NCALD: variants seen among roughly 807,000 people sequenced by gnomAD.
NCALD encodes the protein neurocalcin-delta.
Under a neutral mutation model 18.6 loss-of-function variants are expected in NCALD, and 10 were observed. That is an observed-to-expected ratio of 0.54 (90% CI 0.33 to 0.91). The LOEUF is 0.91. Among genes scored for constraint, NCALD ranks in the 40% least tolerant of loss-of-function variants. The pLI, the probability that NCALD is intolerant of heterozygous loss-of-function variation, is 0.03. For synonymous variants in NCALD, 88 were observed against 87.4 expected (o/e 1.01, Z -0.04); for missense variants, 184 against 247.6 (o/e 0.74, Z 1.72).
chr8:102,045,615 C>T (rs943367988), intron 1 of NCALD, among the ~76,000 whole-genome samples: 2 of 152,122 alleles, frequency 1.3e-5, no homozygotes, highest in Admixed American at 1.3e-4. Context: ...CTTGAATTTC[C>T]TCTACATCAG....
rs890948261 is a variant in NCALD, at chr8:101,879,399, T to C, written c.-20+7742A>G. On this transcript the variant is annotated intron_variant, in intron 4 of 6. Transcript: ENST00000311028. ...GTATTACAGCTCTTAAGGCCGCCAG[T>C]CTGGAGTCGTTCATTTCTCCCAGTG... Among the ~76,000 whole-genome samples the C allele has an allele frequency of 1.5e-4, 23 of 152,230 alleles. No homozygotes were observed. The South Asian group carries it at 4.8e-3, about 32-fold the overall frequency.
intron 1 of NCALD, among the ~76,000 whole-genome samples, chr8:102,037,776 C>A (rs1253712159): frequency 6.6e-6 from 1 of 152,118 alleles, no homozygotes; most frequent in Non-Finnish European, 1.5e-5. Flanking sequence ...TCTTAGCATG[C>A]CCATCTAGGA....
chr8:101,858,264 G>C (rs997252370), intron 4 of NCALD, among the ~76,000 whole-genome samples: 4 of 152,146 alleles, frequency 2.6e-5, no homozygotes, highest in African/African-American at 9.7e-5. Flanking sequence ...TGGATCTATA[G>C]AGTGGAGCAA....
intron 3 of NCALD, among the ~76,000 whole-genome samples, chr8:101,903,592 G>A (rs547426120): frequency 6.6e-6 from 1 of 152,238 alleles, no homozygotes; most frequent in African/African-American, 2.4e-5. Flanking sequence ...GTTCTCTGGA[G>A]GTGGAGCCAC....
intron 4 of NCALD, among the ~76,000 whole-genome samples, chr8:101,846,378 T>C (rs1238177366): frequency 6.6e-6 from 1 of 152,218 alleles, no homozygotes; most frequent in African/African-American, 2.4e-5. Context: ...TACTTTTTGT[T>C]TGGCAACTAA....
At chr8:101,723,349 A>G (rs1002466804) in intron 1 of NCALD, among the ~76,000 whole-genome samples, 8 of 152,148 alleles carry the variant, frequency 5.3e-5, no homozygotes, top group African/African-American at 1.9e-4. Flanking sequence ...TTAAGTAGCA[A>G]ATTACCTAAA....
At chr8:102,056,388 A>G (rs1366835526) in intron 1 of NCALD, among the ~76,000 whole-genome samples, 1 of 152,232 alleles carries the variant, frequency 6.6e-6, no homozygotes, top group African/African-American at 2.4e-5. Flanking sequence ...CAGCTTTGGG[A>G]TCTGCAAAAT....
chr8:101,928,753 G>A (rs572954476), intron 2 of NCALD, among the ~76,000 whole-genome samples: 8 of 152,076 alleles, frequency 5.3e-5, no homozygotes, highest in East Asian at 3.9e-4. Flanking sequence ...TTCTCTAAAC[G>A]TTAATGCTCT....
At chr8:101,716,315 G>T (rs1290431761) in intron 2 of NCALD, among the ~76,000 whole-genome samples, 1 of 151,858 alleles carries the variant, frequency 6.6e-6, no homozygotes, top group Non-Finnish European at 1.5e-5. Context: ...ACCGGGGCCT[G>T]TTGGGGGGTG....
At chr8:101,886,683 T>A (rs917511471) in intron 4 of NCALD, among the ~76,000 whole-genome samples, 3 of 152,200 alleles carry the variant, frequency 2.0e-5, no homozygotes, top group Non-Finnish European at 4.4e-5. Flanking sequence ...ATAATAGAAT[T>A]TCAAAAGAAT....
At chr8:101,842,846 G>A (rs1272985476) in intron 4 of NCALD, among the ~76,000 whole-genome samples, 1 of 152,186 alleles carries the variant, frequency 6.6e-6, no homozygotes, top group Non-Finnish European at 1.5e-5. Flanking sequence ...GCTGTTGGAT[G>A]AGCCCATCAA....
chr8:102,076,046 G>T (rs1048394085), intron 1 of NCALD, among the ~76,000 whole-genome samples: 1 of 151,622 alleles, frequency 6.6e-6, no homozygotes, highest in Admixed American at 6.6e-5. Context: ...GAAATAGTAT[G>T]TAAAAAATAA....
chr8:101,924,544 C>A (rs970248938), intron 2 of NCALD, among the ~76,000 whole-genome samples: 1 of 152,164 alleles, frequency 6.6e-6, no homozygotes, highest in African/African-American at 2.4e-5. Flanking sequence ...TGTTCCAAAT[C>A]ATAACTAAAC....
intron 1 of NCALD, among the ~76,000 whole-genome samples, chr8:101,770,870 T>C (rs1157193202): frequency 6.6e-6 from 1 of 152,212 alleles, no homozygotes; most frequent in East Asian, 1.9e-4. Flanking sequence ...AGATAAAATC[T>C]TTAGGCCGTA....
intron 2 of NCALD, among the ~76,000 whole-genome samples, chr8:101,700,666 T>C (rs6468788): frequency 0.93 from 142,271 of 152,200 alleles, 66,593 homozygotes; most frequent in South Asian, 0.98. Flanking sequence ...CCCTTAACAC[T>C]CCTGAAGAAA....
chr8:101,945,915 T>C (rs541532253), intron 2 of NCALD, among the ~76,000 whole-genome samples: 3 of 152,350 alleles, frequency 2.0e-5, no homozygotes, highest in South Asian at 4.1e-4. Flanking sequence ...CTCCTTTTTC[T>C]GCAGGCACAA....
intron 2 of NCALD, among the ~76,000 whole-genome samples, chr8:102,004,564 A>G (rs945501916): frequency 4.6e-5 from 7 of 152,298 alleles, no homozygotes; most frequent in African/African-American, 1.7e-4. Flanking sequence ...AAGAGCCCGC[A>G]TCGCCAAGTC....
At chr8:101,713,095 A>G (rs1815888731) in intron 2 of NCALD, among the ~76,000 whole-genome samples, 1 of 152,236 alleles carries the variant, frequency 6.6e-6, no homozygotes, top group African/African-American at 2.4e-5. Context: ...CCATAATGCA[A>G]TCAACTTAGA....
At chr8:101,983,761 C>G (rs999276319) in intron 2 of NCALD, among the ~76,000 whole-genome samples, 4 of 152,150 alleles carry the variant, frequency 2.6e-5, no homozygotes, top group African/African-American at 9.7e-5. Context: ...AACTCCTTGG[C>G]AGGTGATCAG....
Sources: allele counts gnomAD v4.1 joint callset (sites outside exome capture counted in the v4.1 genomes callset), GRCh38; gene constraint gnomAD v4.1.1; transcripts MANE v1.5; gene names NCBI Gene and HGNC (gene_info 2026-07-23, HGNC 2026-07-21).